Variants in GSN observed in about 807,000 individuals in gnomAD.
The protein encoded by GSN is gelsolin.
Under a neutral mutation model 85.7 loss-of-function variants are expected in GSN, and 56 were observed. The ratio of observed to expected loss-of-function variants is 0.65; its 90% CI spans 0.53 to 0.82. The LOEUF (loss-of-function observed/expected upper bound fraction) is 0.82, where lower values mean the gene tolerates loss of function less well. Ranked by LOEUF, GSN falls within the 40% of genes least tolerant of loss-of-function variation. The pLI is 0.00. For synonymous variants in GSN, 373 were observed against 399.1 expected (o/e 0.93, Z 0.78); for missense variants, 857 against 979.8 (o/e 0.87, Z 1.67).
chr9:121,239,862 ATG>A, intron 5 of GSN: 1 of 216,168 alleles, frequency 4.6e-6, no homozygotes, highest in South Asian at 8.3e-5. Flanking sequence ...CCATCTAGTA[ATG>A]TCCAGTGGAC....
At chr9:121,300,964 G>A (rs1262041501) in intron 2 of GSN, among the ~76,000 whole-genome samples, 3 of 152,212 alleles carry the variant, frequency 2.0e-5, no homozygotes, top group African/African-American at 4.8e-5. Flanking sequence ...GCTAGCGCCT[G>A]CTGTCTGCCA....
At chr9:121,320,687 G>A (rs74903173) in intron 10 of GSN, among the ~76,000 whole-genome samples, 2,750 of 151,768 alleles carry the variant, frequency 0.018, 85 homozygotes, top group African/African-American at 0.064. Flanking sequence ...AAGAATCCAG[G>A]CAGCTCAGTA....
chr9:121,298,428 C>G (rs558422480), intron 2 of GSN, among the ~76,000 whole-genome samples: 68 of 152,170 alleles, frequency 4.5e-4, no homozygotes, highest in Non-Finnish European at 8.1e-4. Context: ...CCATATCCCC[C>G]CTTAGGTGGG....
At chr9:121,250,651 C>T (rs2054804209) in intron 6 of GSN, among the ~76,000 whole-genome samples, 1 of 151,834 alleles carries the variant, frequency 6.6e-6, no homozygotes, top group South Asian at 2.1e-4. Flanking sequence ...CATCCTCCTA[C>T]CTTAGGCTCC....
rs1231970638 is a variant in GSN, at chr9:121,321,278, T to C, written c.1202T>C (p.Ile401Thr). The C allele has an allele frequency of 1.9e-6, 3 of 1,614,142 alleles. No homozygotes were observed. The South Asian group carries it at 3.3e-5, about 18-fold the overall frequency. Residue 401 changes from isoleucine (I) to threonine (T), a missense_variant, in exon 11 of 18, where the codon ATC becomes ACC. Transcript: ENST00000432226. ...GCTTTGCTCCTGCAGATCTGGAGAA[T>C]CGAAGGTTCCAACAAGGTGCCCGTG... ...DGTGQKQIWR[I>T]EGSNKVPVDP... is the part of the protein sequence containing the mutation.
chr9:121,262,016 A>C (rs142319040), intron 6 of GSN, among the ~76,000 whole-genome samples: 9 of 152,340 alleles, frequency 5.9e-5, no homozygotes, highest in African/African-American at 2.2e-4. Flanking sequence ...TTTTGTTTCT[A>C]AAGCACAGCA....
At chr9:121,287,651 T>G (rs1049338714) in intron 2 of GSN, among the ~76,000 whole-genome samples, 3 of 151,756 alleles carry the variant, frequency 2.0e-5, no homozygotes, top group Admixed American at 6.6e-5. Context: ...GCAGAATGCT[T>G]TGGCAGAATA....
At chr9:121,269,023 C>T (rs748728323) in intron 1 of GSN, among the ~76,000 whole-genome samples, 8 of 152,202 alleles carry the variant, frequency 5.3e-5, no homozygotes, top group Non-Finnish European at 8.8e-5. Flanking sequence ...CTTCCTAGCT[C>T]CTTGTCTGCC....
At chr9:121,280,313 T>C (rs1420624132) in intron 1 of GSN, 1 of 152,246 alleles carries the variant, frequency 6.6e-6, no homozygotes, top group Non-Finnish European at 1.5e-5. Context: ...GATGAGCTGA[T>C]GTGGGATGGT....
chr9:121,318,657 C>T lies in GSN; in HGVS notation c.976-8C>T. 6.2e-7 allele frequency: 1 copy of T among 1,605,842 alleles called. No homozygotes were observed. The highest frequency in any genetic ancestry group is 1.3e-5 in the African/African-American group (1 of 74,904). ...GCCACATCCTGCTCCTCTGCCTCCC[C>T]TCCCCAGGTCTCGGTCCTTCCTGAG... is the stretch of plus-strand genomic sequence containing the variant. On this transcript the variant is annotated splice_polypyrimidine_tract_variant and splice_region_variant and intron_variant, in intron 9 of 17. Transcript: ENST00000432226. The surrounding 1 kb of genome is among the most constrained non-coding windows in gnomAD (Gnocchi z 4.3).
At chr9:121,207,974 A>T (rs1424736433) in intron 1 of GSN, 4 of 115,630 alleles carry the variant, frequency 3.5e-5, no homozygotes, top group Non-Finnish European at 7.9e-5. Context: ...TTTTGTAGAG[A>T]CAGAGTTTCT....
intron 2 of GSN, chr9:121,286,165 A>C (rs959385260): frequency 1.3e-6 from 2 of 1,535,128 alleles, no homozygotes; most frequent in East Asian, 2.4e-5. Context: ...AGAAGCCCTC[A>C]GGGGCAATTC....
At chr9:121,306,161 A>G (rs761268245) in intron 4 of GSN, among the ~76,000 whole-genome samples, 46 of 152,118 alleles carry the variant, frequency 3.0e-4, no homozygotes, top group Admixed American at 5.2e-4. Context: ...TTTGAAACCC[A>G]TTGTTCAAAT....
chr9:121,286,141 G>A (rs774359781), intron 2 of GSN: 12 of 1,535,384 alleles, frequency 7.8e-6, no homozygotes, highest in African/African-American at 4.1e-5. Context: ...CCCCAGCCTC[G>A]CGATGGCCGA....
intron 6 of GSN, among the ~76,000 whole-genome samples, chr9:121,249,078 G>T (rs183673837): frequency 6.6e-6 from 1 of 152,276 alleles, no homozygotes; most frequent in East Asian, 1.9e-4. Flanking sequence ...GGCAATGGGA[G>T]ATGGTGAGGA....
intron 2 of GSN, chr9:121,283,782 A>C (rs1463163856): frequency 6.0e-6 from 1 of 167,066 alleles, no homozygotes; most frequent in Non-Finnish European, 1.5e-5. Flanking sequence ...AGACTTTCCC[A>C]TTCCTCATAG....
At chr9:121,269,478 T>C (rs2055594966) in intron 1 of GSN, among the ~76,000 whole-genome samples, 1 of 152,160 alleles carries the variant, frequency 6.6e-6, no homozygotes, top group African/African-American at 2.4e-5. Flanking sequence ...TCTTGGGTGT[T>C]CCGTTTACTA....
chr9:121,217,800 ATTATT>A lies in GSN; in HGVS notation c.-528+6934_-528+6938del, dbSNP rs1441326233. Among the ~76,000 whole-genome samples the A allele has an allele frequency of 4.8e-4, 49 of 101,300 alleles. No individual in the cohort carries two copies. The Admixed American group carries it at 5.4e-3, about 11-fold the overall frequency. 66.5% of individuals were successfully genotyped at this position (101,300 alleles called of 152,430 possible). A position where few individuals can be genotyped will look rare whatever the true frequency, so the allele number is the denominator to read the frequency against. Reference sequence around the variant, plus strand: ...AATATTTCAAATAATATAGAAATGTATTATTATTATTATTATTATTATTATTATTA... The same window carrying A: ...AATATTTCAAATAATATAGAAATGTAATTATTATTATTATTATTATTATTA... On this transcript the variant is annotated intron_variant, in intron 4 of 24. Transcript: ENST00000373823.
At chr9:121,241,040 CTT>C (rs578027297) in intron 5 of GSN, among the ~76,000 whole-genome samples, 1 of 152,158 alleles carries the variant, frequency 6.6e-6, no homozygotes, top group South Asian at 2.1e-4. Context: ...AAACAGGAAA[CTT>C]CAACCAAGTA....
Sources: gnomAD v4.1 joint callset for allele counts (sites outside exome capture counted in the v4.1 genomes callset) on GRCh38, gnomAD v4.1.1 for gene constraint, Gnocchi (gnomAD v3.1) non-coding constraint, MANE v1.5 for transcripts, NCBI Gene and HGNC (gene_info 2026-07-23, HGNC 2026-07-21) for gene names.